Variants in PIP4K2A observed in about 807,000 individuals in gnomAD.
PIP4K2A encodes the protein phosphatidylinositol-5-phosphate 4-kinase type 2 alpha, also known as phosphatidylinositol 5-phosphate 4-kinase type-2 alpha.
In PIP4K2A, 14 loss-of-function variants were observed where a neutral mutation model predicts 42.9. That is an observed-to-expected ratio of 0.33 (90% CI 0.22 to 0.51). The LOEUF is 0.51. PIP4K2A is among the 20% of genes least tolerant of loss of function. The pLI, the probability that PIP4K2A is intolerant of heterozygous loss-of-function variation, is 0.97. For synonymous variants in PIP4K2A, 192 were observed against 192.2 expected (o/e 1.00, Z 0.01); for missense variants, 434 against 519.8 (o/e 0.83, Z 1.61).
At chr10:22,680,137 A>C (rs952401619) in intron 1 of PIP4K2A, among the ~76,000 whole-genome samples, 9 of 152,138 alleles carry the variant, frequency 5.9e-5, no homozygotes, top group Non-Finnish European at 1.2e-4. Flanking sequence ...CCTAGAAACA[A>C]AAAATGAAGA....
chr10:22,605,156 CA>C (rs1399899464), intron 3 of PIP4K2A, among the ~76,000 whole-genome samples: 1 of 151,948 alleles, frequency 6.6e-6, no homozygotes, highest in Non-Finnish European at 1.5e-5. Flanking sequence ...TATACCTCTG[CA>C]GTACTGAAGT....
chr10:22,623,512 G>T (rs1838375392), intron 1 of PIP4K2A, among the ~76,000 whole-genome samples: 1 of 152,152 alleles, frequency 6.6e-6, no homozygotes, highest in Admixed American at 6.5e-5. Flanking sequence ...TACACAGCTT[G>T]TCTGACGAAT....
At chr10:22,641,348 G>C (rs1385329785) in intron 1 of PIP4K2A, among the ~76,000 whole-genome samples, 1 of 152,190 alleles carries the variant, frequency 6.6e-6, no homozygotes. Flanking sequence ...TCAGTAAATA[G>C]ATCTACATTA....
chr10:22,580,481 C>A (rs769163554), intron 4 of PIP4K2A, among the ~76,000 whole-genome samples: 2 of 151,908 alleles, frequency 1.3e-5, no homozygotes, highest in Non-Finnish European at 2.9e-5. Context: ...GAAACTCCAT[C>A]TCAACAAAAA....
At chr10:22,655,051 G>T (rs1390997466) in intron 1 of PIP4K2A, among the ~76,000 whole-genome samples, 2 of 152,054 alleles carry the variant, frequency 1.3e-5, no homozygotes, top group East Asian at 3.8e-4. Context: ...ACCAGCCTGG[G>T]CAACAAAGTG....
In PIP4K2A at chr10:22,664,077, GTA is replaced by G. The variant is rs1258845687; in HGVS notation, c.144+50104_144+50105del. Among the ~76,000 whole-genome samples the G allele has an allele frequency of 8.1e-3, 306 of 37,722 alleles. 5 individuals are homozygous for G. Among genetic ancestry groups the G allele is most frequent in the Middle Eastern group, 0.018 (1 of 56 alleles). 24.7% of individuals were successfully genotyped at this position (37,722 alleles called of 152,430 possible). ...TGTATATATACATATATATATATAC[GTA>G]TATATATATACATATATATATATAC... On this transcript the variant is annotated intron_variant, in intron 1 of 9. Coordinates refer to ENST00000376573, the MANE Select transcript of PIP4K2A (RefSeq NM_005028.5).
Position 22,624,114 on chromosome 10 carries a change from C to G in PIP4K2A, c.145-14397G>C, listed in dbSNP as rs531197935. Among the ~76,000 whole-genome samples, 16 of 152,272 alleles carry G rather than the reference C, an allele frequency of 1.1e-4. No homozygotes were observed. In the East Asian group the frequency reaches 2.1e-3, roughly 20 times the overall value. ...ACTCAGGACCTGAAGACAAACAACT[C>G]TAGTTTTCTTCACTATGTTTAACAT... On this transcript the variant is annotated intron_variant, in intron 1 of 9. Transcript: ENST00000376573.
At chr10:22,560,288 G>T (rs141602810) in intron 6 of PIP4K2A, among the ~76,000 whole-genome samples, 20 of 152,292 alleles carry the variant, frequency 1.3e-4, no homozygotes, top group African/African-American at 4.6e-4. Context: ...GGCAAATAAA[G>T]ATTTCCAGAA....
chr10:22,623,811 A>C (rs775736519), intron 1 of PIP4K2A, among the ~76,000 whole-genome samples: 1 of 152,250 alleles, frequency 6.6e-6, no homozygotes, highest in Non-Finnish European at 1.5e-5. Context: ...ACACAGGACC[A>C]ATCAACAAGA....
chr10:22,711,936 C>T (rs1833918353), intron 1 of PIP4K2A, among the ~76,000 whole-genome samples: 1 of 152,060 alleles, frequency 6.6e-6, no homozygotes, highest in South Asian at 2.1e-4. Context: ...GTGAAACAGA[C>T]CTTTCTTATG....
At chr10:22,582,941 A>G (rs1837312445) in intron 4 of PIP4K2A, among the ~76,000 whole-genome samples, 1 of 152,016 alleles carries the variant, frequency 6.6e-6, no homozygotes, top group South Asian at 2.1e-4. Flanking sequence ...AAGCAAATAT[A>G]ACAAATATAA....
intron 1 of PIP4K2A, among the ~76,000 whole-genome samples, chr10:22,667,029 GA>G (rs890549664): frequency 6.6e-6 from 1 of 152,034 alleles, no homozygotes; most frequent in Non-Finnish European, 1.5e-5. Context: ...AACATGGAAA[GA>G]AAAAAATACC....
intron 1 of PIP4K2A, among the ~76,000 whole-genome samples, chr10:22,688,047 A>G (rs1366028982): frequency 6.6e-6 from 1 of 152,200 alleles, no homozygotes; most frequent in Admixed American, 6.5e-5. Context: ...AAATGAAGAG[A>G]AAGTACACCA....
At chr10:22,571,876 A>C (rs2130793819) in intron 5 of PIP4K2A, among the ~76,000 whole-genome samples, 1 of 152,372 alleles carries the variant, frequency 6.6e-6, no homozygotes, top group African/African-American at 2.4e-5. Context: ...ATCTCACATT[A>C]AGTCAAGACA....
chr10:22,607,656 G>C (rs1330436617), intron 3 of PIP4K2A, among the ~76,000 whole-genome samples: 1 of 152,072 alleles, frequency 6.6e-6, no homozygotes, highest in African/African-American at 2.4e-5. Context: ...CTGGAAATGA[G>C]AGTATTATAT....
At chr10:22,708,688 TGGACCTGC>T (rs1474166943) in intron 1 of PIP4K2A, among the ~76,000 whole-genome samples, 1 of 152,208 alleles carries the variant, frequency 6.6e-6, no homozygotes, top group African/African-American at 2.4e-5. Context: ...ATGTAGCCTG[TGGACCTGC>T]AGCATCAGTA....
chr10:22,536,128 A>C lies in PIP4K2A; in HGVS notation c.*1073T>G, dbSNP rs1166963240. The C allele has an allele frequency of 5.0e-6, 2 of 398,472 alleles. No individual in the cohort carries two copies. The highest frequency in any genetic ancestry group is 8.8e-6 in the Non-Finnish European group (2 of 226,056). 24.7% of individuals were successfully genotyped at this position (398,472 alleles called of 1,614,324 possible). A position where few individuals can be genotyped will look rare whatever the true frequency, so the allele number is the denominator to read the frequency against. ...ACAGTAAAACTGAGGGTTTCAGTTA[A>C]AGGGATAATTCGTAACAAAATCCCA... On this transcript the variant is annotated 3_prime_UTR_variant, in exon 10 of 10. Transcript: ENST00000376573.
chr10:22,617,163 G>GTTT (rs1408021286), intron 1 of PIP4K2A, among the ~76,000 whole-genome samples: 7 of 152,190 alleles, frequency 4.6e-5, no homozygotes, highest in Non-Finnish European at 1.0e-4. Flanking sequence ...ACACAGGTTT[G>GTTT]TTTTTTCGTG....
Position 22,609,786 on chromosome 10 carries a change from T to A in PIP4K2A, c.145-69A>T, listed in dbSNP as rs535964950. 40 of 897,420 alleles carry A rather than the reference T, an allele frequency of 4.5e-5. No individual in the cohort carries two copies. The African/African-American group carries it at 5.4e-4, about 12-fold the overall frequency. 55.6% of individuals were successfully genotyped at this position (897,420 alleles called of 1,614,324 possible). On this transcript the variant is annotated intron_variant, in intron 1 of 9. Transcript: ENST00000376573. ...GTGAGGAGGACTTGACTTGAATGTG[T>A]ACCTTGGGAAAAAAAACATGGTGGA...
Sources: allele counts gnomAD v4.1 joint callset (sites outside exome capture counted in the v4.1 genomes callset), GRCh38; gene constraint gnomAD v4.1.1; transcripts MANE v1.5; gene names NCBI Gene and HGNC (gene_info 2026-07-23, HGNC 2026-07-21).